Variants in FBXL18 observed in about 807,000 individuals in gnomAD.
FBXL18 encodes F-box/LRR-repeat protein 18.
A neutral mutation model predicts 46.0 loss-of-function variants in FBXL18; 36 were observed. The observed-to-expected ratio is 0.78, with a 90% CI of 0.60 to 1.03. The LOEUF (loss-of-function observed/expected upper bound fraction) is 1.03. FBXL18 is among the 50% of genes least tolerant of loss of function. The pLI, the probability that FBXL18 is intolerant of heterozygous loss-of-function variation, is 0.00. For missense variants in FBXL18, 977 were observed against 1,004.1 expected, an observed-to-expected ratio of 0.97 and a Z score of 0.36; for synonymous variants, 557 against 465.3, an observed-to-expected ratio of 1.20 and a Z score of -2.54.
chr7:5,471,394 A>G (rs1450452052), downstream of FBXL18, among the ~76,000 whole-genome samples: 3 of 152,146 alleles, frequency 2.0e-5, no homozygotes, highest in African/African-American at 7.2e-5. Context: ...CTCCTGCCTC[A>G]GCCTCCCAAG....
chr7:5,467,275 T>C (rs10235653), intron 4 of FBXL18, among the ~76,000 whole-genome samples: 142,197 of 152,056 alleles, frequency 0.94, 66,584 homozygotes, highest in African/African-American at 0.98. Flanking sequence ...GGCCTGAACC[T>C]GGGAGGCGGA....
Position 5,477,326 on chromosome 7 carries a change from C to T in FBXL18, c.*4449G>A, listed in dbSNP as rs936164243. 5.3e-5 allele frequency among the ~76,000 whole-genome samples: 8 copies of T among 152,132 alleles called. No individual in the cohort carries two copies. Among genetic ancestry groups the T allele is most frequent in the South Asian group, 4.1e-4 (2 of 4,834 alleles). ...TCTGCCCACGTCCACAGGAAGTGGC[C>T]GACGTCTCCTCTGCCTTTGGTTTAG... On this transcript the variant is annotated 3_prime_UTR_variant, in exon 5 of 5. Transcript: ENST00000382368. This position sits in a 1 kb window ranked among gnomAD's most constrained non-coding sequence, Gnocchi z 4.4.
intron 4 of FBXL18, among the ~76,000 whole-genome samples, chr7:5,468,184 C>T (rs569357262): frequency 8.7e-4 from 133 of 152,062 alleles, no homozygotes; most frequent in Middle Eastern, 3.4e-3. Flanking sequence ...GGGGTTTCAC[C>T]GTGTTAGCCA....
intron 4 of FBXL18, among the ~76,000 whole-genome samples, chr7:5,462,883 G>A (rs564710372): frequency 3.9e-4 from 56 of 143,616 alleles, no homozygotes; most frequent in African/African-American, 1.3e-3. Context: ...CCCAGGAGGC[G>A]GAGCTTGCAG....
intron 4 of FBXL18, among the ~76,000 whole-genome samples, chr7:5,487,862 A>AG (rs1448290848): frequency 3.2e-5 from 2 of 61,910 alleles, no homozygotes; most frequent in Non-Finnish European, 7.8e-5. Flanking sequence ...GGGACATCGG[A>AG]GGGGGAGGGG....
chr7:5,485,521 T>A (rs1783748865), intron 4 of FBXL18, among the ~76,000 whole-genome samples: 2 of 151,740 alleles, frequency 1.3e-5, no homozygotes, highest in East Asian at 1.9e-4. Context: ...AATAAATAAA[T>A]AAAAAAGGGA....
intron 4 of FBXL18, among the ~76,000 whole-genome samples, chr7:5,468,399 G>A (rs950016875): frequency 1.2e-4 from 19 of 152,138 alleles, no homozygotes; most frequent in Admixed American, 4.6e-4. Flanking sequence ...TTACAGGCGT[G>A]AGCCACCACG....
intron 4 of FBXL18, among the ~76,000 whole-genome samples, chr7:5,460,740 A>G (rs1783232186): frequency 1.3e-5 from 2 of 152,196 alleles, no homozygotes; most frequent in African/African-American, 2.4e-5. Flanking sequence ...GCCGTGAGCC[A>G]CCATGCCCAG....
intron 3 of FBXL18, among the ~76,000 whole-genome samples, chr7:5,497,283 G>A (rs1010694450): frequency 3.3e-5 from 5 of 152,024 alleles, no homozygotes; most frequent in Non-Finnish European, 5.9e-5. Context: ...AAAGTCGCCC[G>A]TCTGGTTCTC....
intron 4 of FBXL18, among the ~76,000 whole-genome samples, chr7:5,483,891 G>T (rs1783709067): frequency 6.6e-6 from 1 of 152,296 alleles, no homozygotes; most frequent in African/African-American, 2.4e-5. Context: ...AAGGGAAGAG[G>T]ACGACGGGGT....
intron 2 of FBXL18, among the ~76,000 whole-genome samples, chr7:5,503,751 G>A (rs1039672348): frequency 6.6e-5 from 10 of 151,310 alleles, no homozygotes; most frequent in Admixed American, 1.3e-4. Context: ...GGCGGATCAC[G>A]AGGTCAGGAG....
chr7:5,502,833 G>A (rs77006065), intron 2 of FBXL18, among the ~76,000 whole-genome samples: 793 of 133,832 alleles, frequency 5.9e-3, no homozygotes, highest in East Asian at 7.4e-3. Flanking sequence ...TCTCAAAAAA[G>A]AAAAAAAAAA....
intron 4 of FBXL18, among the ~76,000 whole-genome samples, chr7:5,467,632 G>A (rs1164950190): frequency 6.6e-6 from 1 of 151,972 alleles, no homozygotes; most frequent in Non-Finnish European, 1.5e-5. Flanking sequence ...CGTTTCGAGG[G>A]CCAGATCACG....
intron 4 of FBXL18, among the ~76,000 whole-genome samples, chr7:5,468,187 G>C (rs913394887): frequency 2.0e-5 from 3 of 152,240 alleles, no homozygotes; most frequent in East Asian, 3.9e-4. Context: ...GTTTCACCGT[G>C]TTAGCCAGGA....
At chr7:5,483,049 AG>A (rs1288195659) in intron 4 of FBXL18, among the ~76,000 whole-genome samples, 2 of 150,976 alleles carry the variant, frequency 1.3e-5, no homozygotes, top group Non-Finnish European at 3.0e-5. Context: ...AAAAAAAAAA[AG>A]AAAAAGAAGA....
chr7:5,474,793 C>T (rs868268333), downstream of FBXL18, among the ~76,000 whole-genome samples: 2 of 150,864 alleles, frequency 1.3e-5, no homozygotes, highest in East Asian at 2.0e-4. Context: ...CTGCAAGCTC[C>T]GCCTCCCGGG....
At chr7:5,490,638 A>G (rs929428677) in intron 4 of FBXL18, among the ~76,000 whole-genome samples, 1 of 152,190 alleles carries the variant, frequency 6.6e-6, no homozygotes, top group African/African-American at 2.4e-5. Context: ...CTAGATCCAA[A>G]CAACGGGCAG....
rs1273685862 is a variant in FBXL18, at chr7:5,478,134, C to T, written c.*3641G>A. 6.6e-6 allele frequency: 1 copy of T among 152,366 alleles called. No individual in the cohort carries two copies. The highest frequency in any genetic ancestry group is 1.5e-5 in the Non-Finnish European group (1 of 68,160). 9.4% of individuals were successfully genotyped at this position (152,366 alleles called of 1,614,324 possible). On this transcript the variant is annotated 3_prime_UTR_variant, in exon 5 of 5. Coordinates refer to ENST00000382368, the MANE Select transcript of FBXL18 (RefSeq NM_024963.6). ...GCCCGTCCTGGCTGCCGTCCTGGGT[C>T]GAAGCAGCAAGTGTCTTCCCGCCCT...
intron 4 of FBXL18, chr7:5,490,272 G>C: frequency 1.6e-6 from 2 of 1,256,030 alleles, no homozygotes; most frequent in Non-Finnish European, 2.1e-6. Context: ...CCGGGCGCAC[G>C]CCTCTCTCAG....
Sources: allele counts gnomAD v4.1 joint callset (sites outside exome capture counted in the v4.1 genomes callset), GRCh38; gene constraint gnomAD v4.1.1; non-coding constraint Gnocchi (gnomAD v3.1); transcripts MANE v1.5; gene names NCBI Gene and HGNC (gene_info 2026-07-23, HGNC 2026-07-21).